Variants in PACS2 observed in about 807,000 individuals in gnomAD.
The protein encoded by PACS2 is PACS1-like protein.
PACS2 carries 36 observed loss-of-function variants against 113.0 expected under a neutral mutation model. That is an observed-to-expected ratio of 0.32 (90% CI 0.24 to 0.42). The LOEUF (loss-of-function observed/expected upper bound fraction) is 0.42, where lower values mean the gene tolerates loss of function less well. Ranked by LOEUF, PACS2 falls within the 10% of genes least tolerant of loss-of-function variation. PACS2 has a pLI of 1.00. For missense variants in PACS2, 1,015 were observed against 1,239.5 expected (o/e 0.82, Z 2.72); for synonymous variants, 589 against 536.1 (o/e 1.10, Z -1.36).
chr14:105,353,303 G>A (rs2060301819), intron 3 of PACS2, among the ~76,000 whole-genome samples: 1 of 131,524 alleles, frequency 7.6e-6, no homozygotes, highest in South Asian at 2.4e-4. Flanking sequence ...ACTGTCCCCT[G>A]GGGTGATGGG....
intron 20 of PACS2, chr14:105,390,370 A>T (rs1230747593): frequency 4.1e-5 from 13 of 317,042 alleles, no homozygotes; most frequent in Non-Finnish European, 6.2e-5. Flanking sequence ...AGGCCCCGGG[A>T]GCTTCCCAGT....
At position 105,354,971 on chromosome 14, in the gene PACS2, G is replaced by C. The variant is rs2060377673; in HGVS notation, c.298-81G>C. The stretch of plus-strand genomic sequence containing the variant: ...CAGGTTGGCCTGGTCGCAGGCTGCA[G>C]GGTGGCTGGGCCGTCAGAGGCCGTG... On this transcript the variant is annotated intron_variant, in intron 3 of 24. Transcript: ENST00000447393. This position sits in a 1 kb window ranked among gnomAD's most constrained non-coding sequence, Gnocchi z 4.2. 1.4e-6 allele frequency: 2 copies of C among 1,466,636 alleles called. No homozygotes were observed. The highest frequency in any genetic ancestry group is 1.9e-6 in the Non-Finnish European group (2 of 1,070,638). The allele number at this position is 1,466,636 out of a possible 1,614,324, so 90.9% of individuals were successfully genotyped here.
intron 2 of PACS2, among the ~76,000 whole-genome samples, chr14:105,350,011 G>A (rs587712097): frequency 1.3e-3 from 184 of 145,170 alleles, no homozygotes; most frequent in African/African-American, 4.4e-3. Flanking sequence ...GCAGGACCCC[G>A]AGAACTTCCG....
At chr14:105,325,899 G>A (rs1251774300) in intron 1 of PACS2, among the ~76,000 whole-genome samples, 1 of 152,228 alleles carries the variant, frequency 6.6e-6, no homozygotes, top group Non-Finnish European at 1.5e-5. Context: ...CCATGCCTTT[G>A]TTTACTCTCC....
chr14:105,315,063 T>C lies in PACS2; in HGVS notation c.119+26T>C. ...GTACGCGCCGCCCGCCGCGCTTTGT[T>C]CCCGCCGGGCACCTGCTGGGGGTGT... On this transcript the variant is annotated intron_variant, in intron 1 of 24. Coordinates refer to ENST00000447393, the MANE Select transcript of PACS2 (RefSeq NM_001100913.3). This position sits in a 1 kb window ranked among gnomAD's most constrained non-coding sequence, Gnocchi z 4.4. The C allele has an allele frequency of 8.8e-7, 1 of 1,141,422 alleles. No individual in the cohort carries two copies. Among genetic ancestry groups the C allele is most frequent in the Non-Finnish European group, 1.1e-6 (1 of 922,626 alleles). 70.7% of individuals were successfully genotyped at this position (1,141,422 alleles called of 1,614,324 possible).
rs587645118 is a variant in PACS2, at chr14:105,382,246, T to A, written c.1413+188T>A. Among the ~76,000 whole-genome samples the A allele has an allele frequency of 2.0e-5, 3 of 152,326 alleles. No individual in the cohort carries two copies. The East Asian group carries it at 5.8e-4, about 29-fold the overall frequency. Reference sequence around the variant, plus strand: ...ATGGGTTGGTTTGTCAGGAAGACCATGTGGACCCCAGGGCAAGTTCTAGTC... The same window carrying A: ...ATGGGTTGGTTTGTCAGGAAGACCAAGTGGACCCCAGGGCAAGTTCTAGTC... On this transcript the variant is annotated intron_variant, in intron 13 of 24. Coordinates refer to ENST00000447393, the MANE Select transcript of PACS2 (RefSeq NM_001100913.3).
rs781792964 is a variant in PACS2, at chr14:105,357,969, T to TG, written c.423+2798dup. On this transcript the variant is annotated intron_variant, in intron 4 of 24. Coordinates refer to ENST00000447393, the MANE Select transcript of PACS2 (RefSeq NM_001100913.3). The surrounding 1 kb of genome is among the most constrained non-coding windows in gnomAD (Gnocchi z 5.1). ...GCTGAGAGTGTGGTGGGAGAGGATGTGGGGGGCACCTGCCCAGGACCTCCA... is the reference window on the plus strand; with the variant it reads ...GCTGAGAGTGTGGTGGGAGAGGATGTGGGGGGGCACCTGCCCAGGACCTCCA... 2.0e-4 allele frequency among the ~76,000 whole-genome samples: 31 copies of TG among 151,760 alleles called. No homozygotes were observed. The highest frequency in any genetic ancestry group is 3.4e-3 in the Middle Eastern group (1 of 294).
chr14:105,392,308 A>C, intron 22 of PACS2: 2 of 407,056 alleles, frequency 4.9e-6, no homozygotes, highest in East Asian at 4.9e-5. Context: ...GGCTCCTTCC[A>C]GGCTGCGCCT....
In PACS2 at chr14:105,305,685, G is replaced by A. The variant is rs184467310; in HGVS notation, c.-83+4706G>A. Reference sequence around the variant, plus strand: ...TGGAGCCAGGTTAGAGGGAGAATGCGGAGAACTGCCCTGGGGACCGGTTAG... The same window carrying A: ...TGGAGCCAGGTTAGAGGGAGAATGCAGAGAACTGCCCTGGGGACCGGTTAG... On this transcript the variant is annotated intron_variant, in intron 1 of 23. Transcript: ENST00000430725. Among the ~76,000 whole-genome samples the A allele has an allele frequency of 2.2e-4, 33 of 152,318 alleles. 1 individual carries two copies. The highest frequency in any genetic ancestry group is 4.1e-4 in the South Asian group (2 of 4,824).
intron 16 of PACS2, chr14:105,383,715 CTT>C: frequency 1.8e-6 from 1 of 558,204 alleles, no homozygotes; most frequent in East Asian, 3.1e-5. Context: ...TACAGTAACA[CTT>C]TGTTAATTTT....
At chr14:105,333,095 TGA>T (rs113817359) in intron 1 of PACS2, among the ~76,000 whole-genome samples, 3 of 151,680 alleles carry the variant, frequency 2.0e-5, no homozygotes, top group Non-Finnish European at 4.4e-5. Context: ...GGCGTGGGTG[TGA>T]GAGAGAGAGA....
exon 1 of PACS2, chr14:105,300,826 G>A: frequency 4.9e-6 from 1 of 202,368 alleles, no homozygotes; most frequent in Non-Finnish European, 9.3e-6. Context: ...CCGCGCCCGC[G>A]GGATGGGACA....
At chr14:105,318,160 T>G (rs2058744262) in intron 1 of PACS2, among the ~76,000 whole-genome samples, 2 of 152,242 alleles carry the variant, frequency 1.3e-5, no homozygotes, top group Non-Finnish European at 2.9e-5. Context: ...TTGTTGTTGT[T>G]GTTGCAGAGA....
At position 105,342,336 on chromosome 14, in the gene PACS2, C is replaced by A. The variant is rs139501112; in HGVS notation, c.120-6157C>A. 5.3e-3 allele frequency among the ~76,000 whole-genome samples: 807 copies of A among 151,992 alleles called. 9 individuals are homozygous for A. The highest frequency in any genetic ancestry group is 0.019 in the African/African-American group (767 of 41,450). On this transcript the variant is annotated intron_variant, in intron 1 of 24. Transcript: ENST00000447393. ...CAGGCTGAGTGTAGTGGTGCAATCA[C>A]AGCTGACTGCAGCCTCCAACTCCTG...
chr14:105,364,308 G>A (rs1297972028), intron 4 of PACS2, among the ~76,000 whole-genome samples: 3 of 145,522 alleles, frequency 2.1e-5, no homozygotes, highest in African/African-American at 8.1e-5. Context: ...TGTGGTGGGC[G>A]TCCCGGGTGC....
chr14:105,385,707 T>C lies in PACS2; in HGVS notation c.2023T>C (p.Phe675Leu), dbSNP rs1555413451. 3.3e-6 allele frequency: 5 copies of C among 1,519,472 alleles called. No individual in the cohort carries two copies. Among genetic ancestry groups the C allele is most frequent in the Non-Finnish European group, 4.4e-6 (5 of 1,136,834 alleles). 94.1% of individuals were successfully genotyped at this position (1,519,472 alleles called of 1,614,324 possible). A position where few individuals can be genotyped will look rare whatever the true frequency, so the allele number is the denominator to read the frequency against. The change falls in exon 19 of 25, where the codon TTT becomes CTT. Residue 675 changes from phenylalanine (F) to leucine (L), a missense_variant. This residue lies in a region of PACS2 where 859 missense variants were observed against 1,056.8 expected (regional missense o/e 0.81). Coordinates refer to ENST00000447393, the MANE Select transcript of PACS2 (RefSeq NM_001100913.3). Reference sequence around the variant, plus strand: ...AAGGAAAAAGCATTTTCATTTTGACTTTACCCTAAGGTACGGCTCTGTGGG... The same window carrying C: ...AAGGAAAAAGCATTTTCATTTTGACCTTACCCTAAGGTACGGCTCTGTGGG... ...QKRKKHFHFD[F>L]TLSPDEESSQ...
At chr14:105,364,029 A>C (rs1239540667) in intron 4 of PACS2, among the ~76,000 whole-genome samples, 1 of 152,210 alleles carries the variant, frequency 6.6e-6, no homozygotes, top group African/African-American at 2.4e-5. Context: ...GTGGTGCCCC[A>C]GAGCAGTTGT....
intron 8 of PACS2, 63 bp downstream of exon 8, chr14:105,369,963 G>GGCCTCTGGGGTCTGTCTCCGGGCC: frequency 7.1e-7 from 1 of 1,403,916 alleles, no homozygotes; most frequent in Non-Finnish European, 9.8e-7. Flanking sequence ...GTCGGGAGGA[G>GGCCTCTGGGGTCTGTCTCCGGGCC]GCCTCTGGGG....
chr14:105,382,086 G>A (rs1555412224), intron 13 of PACS2, 28 bp downstream of exon 13: 2 of 1,537,884 alleles, frequency 1.3e-6, no homozygotes, highest in Admixed American at 4.0e-5. Flanking sequence ...GGCACGCCCA[G>A]GAGGCAGGGC....
Sources: allele counts gnomAD v4.1 joint callset (sites outside exome capture counted in the v4.1 genomes callset), GRCh38; gene constraint gnomAD v4.1.1; regional missense constraint gnomAD v4.1.1; non-coding constraint Gnocchi (gnomAD v3.1); transcripts MANE v1.5; gene names NCBI Gene and HGNC (gene_info 2026-07-23, HGNC 2026-07-21).